The following MARCHF1 variants were observed in gnomAD, a reference collection of about 807,000 sequenced individuals.
MARCHF1 encodes the protein E3 ubiquitin-protein ligase MARCHF1.
MARCHF1 carries 40 observed loss-of-function variants against 54.2 expected under a neutral mutation model. The observed-to-expected ratio is 0.74, with a 90% CI of 0.57 to 0.96. The LOEUF is 0.96. Among genes scored for constraint, MARCHF1 ranks in the 40% least tolerant of loss-of-function variants. The pLI is 0.00. For missense variants in MARCHF1, 586 were observed against 656.5 expected (o/e 0.89, Z 1.17); for synonymous variants, 236 against 236.3 (o/e 1.00, Z 0.01).
At chr4:164,351,202 C>T (rs1208259157) in intron 1 of MARCHF1, among the ~76,000 whole-genome samples, 4 of 150,538 alleles carry the variant, frequency 2.7e-5, no homozygotes, top group African/African-American at 9.7e-5. Flanking sequence ...CCCGCCATTG[C>T]CCAGGCTTGC....
At chr4:163,550,864 T>C (rs1317769579) in intron 8 of MARCHF1, among the ~76,000 whole-genome samples, 1 of 152,204 alleles carries the variant, frequency 6.6e-6, no homozygotes, top group Non-Finnish European at 1.5e-5. Context: ...GGAAACTTGT[T>C]AGAAACCCAG....
chr4:163,912,065 G>GGT (rs1560816282), intron 3 of MARCHF1, among the ~76,000 whole-genome samples: 1 of 149,244 alleles, frequency 6.7e-6, no homozygotes, highest in Non-Finnish European at 1.5e-5. Flanking sequence ...GGAATGCAGG[G>GGT]TTTTTTTTTT....
At chr4:164,098,655 T>C (rs1297463099) in intron 2 of MARCHF1, among the ~76,000 whole-genome samples, 1 of 152,212 alleles carries the variant, frequency 6.6e-6, no homozygotes, top group East Asian at 1.9e-4. Context: ...TCCCAACTAT[T>C]TTAAGAAAGA....
chr4:163,980,840 A>G (rs940229748), intron 3 of MARCHF1, among the ~76,000 whole-genome samples: 6 of 152,264 alleles, frequency 3.9e-5, no homozygotes, highest in African/African-American at 1.4e-4. Context: ...TCTAACATTT[A>G]TAAGTTTTGA....
At chr4:164,146,981 AAAAC>A (rs1029591633) in intron 1 of MARCHF1, among the ~76,000 whole-genome samples, 2 of 151,504 alleles carry the variant, frequency 1.3e-5, no homozygotes, top group African/African-American at 2.4e-5. Flanking sequence ...TTACAAGAAA[AAAAC>A]AAACAACCCC....
At chr4:164,284,475 G>A (rs1287281157) in intron 1 of MARCHF1, among the ~76,000 whole-genome samples, 1 of 150,882 alleles carries the variant, frequency 6.6e-6, no homozygotes, top group African/African-American at 2.4e-5. Flanking sequence ...ATGGCAATTA[G>A]GTAAGTAAGG....
At chr4:163,650,743 T>C (rs1197393549) in intron 5 of MARCHF1, among the ~76,000 whole-genome samples, 2 of 151,976 alleles carry the variant, frequency 1.3e-5, no homozygotes, top group Non-Finnish European at 1.5e-5. Flanking sequence ...TATCACTGTC[T>C]AAGCTTACCA....
intron 5 of MARCHF1, among the ~76,000 whole-genome samples, chr4:163,654,017 A>G (rs1743057757): frequency 6.6e-6 from 1 of 151,772 alleles, no homozygotes; most frequent in Non-Finnish European, 1.5e-5. Flanking sequence ...GGTAAAGATA[A>G]ATCATTAAGA....
chr4:164,262,308 A>C (rs1279274159), intron 1 of MARCHF1, among the ~76,000 whole-genome samples: 1 of 152,086 alleles, frequency 6.6e-6, no homozygotes, highest in African/African-American at 2.4e-5. Context: ...ATAAACAGGG[A>C]TGCTTCTCCA....
chr4:163,791,226 T>C (rs1366337431), intron 4 of MARCHF1, among the ~76,000 whole-genome samples: 4 of 152,132 alleles, frequency 2.6e-5, no homozygotes, highest in South Asian at 2.1e-4. Context: ...TTACGATAGG[T>C]ATGTGGACAT....
At chr4:164,307,304 T>G (rs1347613260) in intron 1 of MARCHF1, among the ~76,000 whole-genome samples, 1 of 152,232 alleles carries the variant, frequency 6.6e-6, no homozygotes, top group African/African-American at 2.4e-5. Flanking sequence ...CAGCCTAGCA[T>G]AGTAAGGGAG....
At chr4:164,173,193 G>T (rs1041725881) in intron 1 of MARCHF1, among the ~76,000 whole-genome samples, 8 of 152,118 alleles carry the variant, frequency 5.3e-5, no homozygotes, top group Non-Finnish European at 8.8e-5. Context: ...TTAATATTTT[G>T]TCCCGGAAAA....
chr4:163,750,537 TAAATAAATA>T (rs1347337773), intron 4 of MARCHF1, among the ~76,000 whole-genome samples: 1 of 150,644 alleles, frequency 6.6e-6, no homozygotes, highest in Non-Finnish European at 1.5e-5. Context: ...AATAAATAAA[TAAATAAATA>T]AATAAATAAA....
intron 5 of MARCHF1, among the ~76,000 whole-genome samples, chr4:163,629,372 G>A (rs114583258): frequency 0.08 from 12,128 of 152,068 alleles, 779 homozygotes; most frequent in East Asian, 0.28. Context: ...AGCTGAAACC[G>A]GATCCCTTTT....
intron 5 of MARCHF1, among the ~76,000 whole-genome samples, chr4:163,652,489 G>A (rs1052888645): frequency 6.6e-6 from 1 of 151,762 alleles, no homozygotes; most frequent in African/African-American, 2.4e-5. Flanking sequence ...TGACTGTGAT[G>A]TCTCTCCTCC....
chr4:163,533,678 A>G (rs770508029), intron 9 of MARCHF1, among the ~76,000 whole-genome samples: 4 of 98,866 alleles, frequency 4.0e-5, no homozygotes, highest in Non-Finnish European at 5.9e-5. Context: ...TCTTTTATAT[A>G]TAATATATAT....
intron 1 of MARCHF1, among the ~76,000 whole-genome samples, chr4:164,227,367 C>A (rs1401827894): frequency 6.6e-6 from 1 of 152,098 alleles, no homozygotes; most frequent in Non-Finnish European, 1.5e-5. Context: ...CACCTGGTCC[C>A]ACCCTTGACA....
chr4:163,672,349 G>C, intron 5 of MARCHF1, among the ~76,000 whole-genome samples: 1 of 152,078 alleles, frequency 6.6e-6, no homozygotes. Flanking sequence ...TCATGGCGGG[G>C]AGTAAAAGGG....
At chr4:164,371,442 T>C (rs1175213914) in intron 1 of MARCHF1, among the ~76,000 whole-genome samples, 1 of 152,148 alleles carries the variant, frequency 6.6e-6, no homozygotes, top group Non-Finnish European at 1.5e-5. Context: ...AAAGACATAG[T>C]AACACAACTT....
Sources: gnomAD v4.1 joint callset for allele counts (sites outside exome capture counted in the v4.1 genomes callset) on GRCh38, gnomAD v4.1.1 for gene constraint, MANE v1.5 for transcripts, NCBI Gene and HGNC (gene_info 2026-07-23, HGNC 2026-07-21) for gene names.